Variants in TMEM117 observed in about 807,000 individuals in gnomAD.
TMEM117 encodes the protein transmembrane protein 117.
A neutral mutation model predicts 52.4 loss-of-function variants in TMEM117; 27 were observed. The ratio of observed to expected loss-of-function variants is 0.51; its 90% CI spans 0.38 to 0.71. The LOEUF is 0.71. Among genes scored for constraint, TMEM117 ranks in the 30% least tolerant of loss-of-function variants. The pLI is 0.00. For missense variants in TMEM117, 556 were observed against 630.5 expected, an observed-to-expected ratio of 0.88 and a Z score of 1.26; for synonymous variants, 215 against 206.3, an observed-to-expected ratio of 1.04 and a Z score of -0.36.
chr12:44,318,855 A>G (rs1346272337), intron 6 of TMEM117, among the ~76,000 whole-genome samples: 2 of 152,082 alleles, frequency 1.3e-5, no homozygotes, highest in African/African-American at 4.8e-5. Context: ...GGGTGCTCCA[A>G]ATGCCTGGAA....
Position 44,299,647 on chromosome 12 carries a change from A to G in TMEM117, c.676A>G (p.Lys226Glu), listed in dbSNP as rs758280370. The G allele has an allele frequency of 4.3e-6, 7 of 1,614,106 alleles. No individual in the cohort carries two copies. In the African/African-American group the frequency reaches 9.3e-5, roughly 22 times the overall value. The stretch of plus-strand genomic sequence containing the variant: ...TACAACGGACTGGATCAGCTGGGAC[A>G]AGCTGAATCGGGGATTTTTGCCCAG... ...VITTDWISWD[K>E]LNRGFLPSDE... Residue 226 changes from lysine to glutamate, a missense_variant, in exon 6 of 8, where the codon AAG becomes GAG. Transcript: ENST00000266534.
intron 2 of TMEM117, among the ~76,000 whole-genome samples, chr12:43,887,964 G>A (rs1483172502): frequency 6.6e-6 from 1 of 152,212 alleles, no homozygotes; most frequent in Non-Finnish European, 1.5e-5. Flanking sequence ...TGGAAGCTAA[G>A]ATGGCTCTAT....
Position 43,925,074 on chromosome 12 carries a change from G to A in TMEM117, c.278-19136G>A, listed in dbSNP as rs142362898. Among the ~76,000 whole-genome samples the A allele has an allele frequency of 3.3e-3, 496 of 152,220 alleles. 1 individual carries two copies. The highest frequency in any genetic ancestry group is 7.2e-3 in the African/African-American group (301 of 41,526). On this transcript the variant is annotated intron_variant, in intron 2 of 7. Transcript: ENST00000266534. ...TTCATAGGGCAACTTGATTGTCCTC[G>A]TGCCGTAATAGTTGATTTCCTCCAG...
intron 4 of TMEM117, among the ~76,000 whole-genome samples, chr12:44,172,798 C>T (rs1381063677): frequency 2.6e-5 from 4 of 152,180 alleles, no homozygotes; most frequent in Non-Finnish European, 4.4e-5. Flanking sequence ...AATCTCAGCT[C>T]ACTGCAACCT....
chr12:44,357,553 A>G (rs933629089), intron 6 of TMEM117, among the ~76,000 whole-genome samples: 1 of 152,098 alleles, frequency 6.6e-6, no homozygotes, highest in Non-Finnish European at 1.5e-5. Flanking sequence ...AAGTGTCAGA[A>G]CTTTTAAAAA....
chr12:43,971,362 C>T lies in TMEM117; in HGVS notation c.410+27020C>T, dbSNP rs1233864339. ...TTCAAAATTAAGTCCAAGTCCTTCC[C>T]GTGACTTTTACTACTCTAAGTAACG... On this transcript the variant is annotated intron_variant, in intron 3 of 7. Coordinates refer to ENST00000266534, the MANE Select transcript of TMEM117 (RefSeq NM_032256.3). 1.3e-5 allele frequency among the ~76,000 whole-genome samples: 2 copies of T among 152,266 alleles called. 1 individual carries two copies. The highest frequency in any genetic ancestry group is 6.8e-3 in the Middle Eastern group (2 of 294).
At chr12:43,986,222 G>A (rs940002735) in intron 3 of TMEM117, among the ~76,000 whole-genome samples, 1 of 151,360 alleles carries the variant, frequency 6.6e-6, no homozygotes, top group African/African-American at 2.4e-5. Flanking sequence ...AATGATAGAG[G>A]TTAAAAAAAT....
chr12:44,311,897 GTA>G (rs1184586797), intron 6 of TMEM117, among the ~76,000 whole-genome samples: 9 of 120,728 alleles, frequency 7.5e-5, no homozygotes, highest in Admixed American at 5.0e-4. Context: ...ATATATATGT[GTA>G]TATATATATG....
At chr12:44,249,543 A>G (rs1950172303) in intron 5 of TMEM117, among the ~76,000 whole-genome samples, 2 of 152,130 alleles carry the variant, frequency 1.3e-5, no homozygotes, top group South Asian at 2.1e-4. Flanking sequence ...ACACAATCCT[A>G]AGCAAAAAGA....
At chr12:44,343,409 C>T (rs1366322619) in intron 6 of TMEM117, among the ~76,000 whole-genome samples, 1 of 152,076 alleles carries the variant, frequency 6.6e-6, no homozygotes, top group African/African-American at 2.4e-5. Context: ...GACTTGCTTC[C>T]AGTTCTCCAC....
chr12:43,899,199 T>G (rs1016059838), intron 2 of TMEM117, among the ~76,000 whole-genome samples: 1 of 152,166 alleles, frequency 6.6e-6, no homozygotes, highest in South Asian at 2.1e-4. Context: ...AAACCCAAAA[T>G]ATTTTTCTTA....
intron 3 of TMEM117, among the ~76,000 whole-genome samples, chr12:44,094,389 C>G (rs1242786950): frequency 6.6e-6 from 1 of 152,012 alleles, no homozygotes; most frequent in Non-Finnish European, 1.5e-5. Flanking sequence ...AGTCTAGCCC[C>G]TTGGAAATGT....
At chr12:44,320,788 G>T (rs1385941473) in intron 6 of TMEM117, among the ~76,000 whole-genome samples, 2 of 152,010 alleles carry the variant, frequency 1.3e-5, no homozygotes, top group African/African-American at 2.4e-5. Context: ...TAAATATTTC[G>T]ATTAGAGTTA....
chr12:43,865,905 A>C (rs1943588046), intron 2 of TMEM117, among the ~76,000 whole-genome samples: 1 of 151,864 alleles, frequency 6.6e-6, no homozygotes. Context: ...AAGATAATAA[A>C]ACAATGTATC....
chr12:44,199,098 G>A (rs1949458446), intron 4 of TMEM117, among the ~76,000 whole-genome samples: 1 of 152,128 alleles, frequency 6.6e-6, no homozygotes, highest in Non-Finnish European at 1.5e-5. Context: ...CTGGTAACCA[G>A]TGTCTCATCA....
chr12:44,145,693 C>T (rs1948633019), intron 4 of TMEM117, among the ~76,000 whole-genome samples: 1 of 152,030 alleles, frequency 6.6e-6, no homozygotes, highest in Admixed American at 6.5e-5. Context: ...TGTGAGCAGC[C>T]CACCTTATCC....
At chr12:43,924,520 A>G (rs1462729606) in intron 2 of TMEM117, among the ~76,000 whole-genome samples, 1 of 152,160 alleles carries the variant, frequency 6.6e-6, no homozygotes, top group Non-Finnish European at 1.5e-5. Context: ...TATTTCAAGT[A>G]TTTCGTGCTG....
At chr12:44,164,806 T>C (rs534832568) in intron 4 of TMEM117, among the ~76,000 whole-genome samples, 1 of 152,294 alleles carries the variant, frequency 6.6e-6, no homozygotes, top group African/African-American at 2.4e-5. Context: ...TATACAATAT[T>C]TGTACATACT....
At chr12:43,896,895 T>C (rs1458018901) in intron 2 of TMEM117, among the ~76,000 whole-genome samples, 1 of 152,166 alleles carries the variant, frequency 6.6e-6, no homozygotes, top group African/African-American at 2.4e-5. Context: ...TTAATATATT[T>C]TTGTGTCAGG....
Sources: allele counts gnomAD v4.1 joint callset (sites outside exome capture counted in the v4.1 genomes callset), GRCh38; gene constraint gnomAD v4.1.1; transcripts MANE v1.5; gene names NCBI Gene and HGNC (gene_info 2026-07-23, HGNC 2026-07-21).